Variants in FYCO1 observed in about 807,000 individuals in gnomAD.
The protein encoded by FYCO1 is FYVE and coiled-coil domain-containing protein 1.
A neutral mutation model predicts 165.1 loss-of-function variants in FYCO1; 122 were observed. The ratio of observed to expected loss-of-function variants is 0.74; its 90% CI spans 0.64 to 0.86. The LOEUF is 0.86. FYCO1 is among the 40% of genes least tolerant of loss of function. The pLI is 0.00. For synonymous variants in FYCO1, 648 were observed against 742.5 expected (o/e 0.87, Z 2.07); for missense variants, 1,702 against 1,810.3 (o/e 0.94, Z 1.09).
At position 45,968,108 on chromosome 3, in the gene FYCO1, G is replaced by A; in HGVS notation, c.1226C>T (p.Ala409Val). The A allele has an allele frequency of 1.9e-6, 3 of 1,614,174 alleles. No individual in the cohort carries two copies. Among genetic ancestry groups the A allele is most frequent in the South Asian group, 2.2e-5 (2 of 91,086 alleles). The change falls in exon 8 of 18, where the codon GCC becomes GTC. Residue 409 changes from alanine to valine, a missense_variant. Coordinates refer to ENST00000296137, the MANE Select transcript of FYCO1 (RefSeq NM_024513.4). ...GACCTTGGTTCTCTCCCTTTCTAGG[G>A]CTTGAAGCTTCTCCCCTAGCTCCTG... The part of the protein sequence containing the change: ...EMQELGEKLQ[A>V]LERERTKVEE...
chr3:45,926,971 A>G (rs1703350497), intron 16 of FYCO1, among the ~76,000 whole-genome samples: 1 of 152,012 alleles, frequency 6.6e-6, no homozygotes. Context: ...TCAAAAAAAA[A>G]AAAAAAAGAA....
chr3:45,973,053 T>G lies in FYCO1; in HGVS notation c.539+35A>C, dbSNP rs41289622. 0.11 allele frequency: 181,304 copies of G among 1,612,528 alleles called. 13,737 individuals carry two copies. Among genetic ancestry groups the G allele is most frequent in the South Asian group, 0.34 (30,500 of 91,012 alleles). On this transcript the variant is annotated intron_variant, in intron 6 of 17. Transcript: ENST00000296137. ...TCTTCAAAACTTCAAATGTCTCTTT[T>G]CCTGTCTTTTAAACCAAGCAATCCT...
rs1341892157 is a variant in FYCO1, at chr3:45,947,730, A to G, written c.3944+7519T>C. The G allele has an allele frequency of 7.2e-6, 4 of 553,384 alleles. No individual in the cohort carries two copies. The Admixed American group carries it at 1.0e-4, about 14-fold the overall frequency. 34.3% of individuals were successfully genotyped at this position (553,384 alleles called of 1,614,324 possible). Reference sequence around the variant, plus strand: ...CCAAGTAGGGGGTCTAAAATTTTTAAGGACTTTCCTTCCTCCATCTCCAAG... The same window carrying G: ...CCAAGTAGGGGGTCTAAAATTTTTAGGGACTTTCCTTCCTCCATCTCCAAG... On this transcript the variant is annotated intron_variant, in intron 14 of 17. Transcript: ENST00000296137.
chr3:45,957,663 A>G (rs1264456571), intron 13 of FYCO1, among the ~76,000 whole-genome samples: 1 of 152,278 alleles, frequency 6.6e-6, no homozygotes, highest in Non-Finnish European at 1.5e-5. Flanking sequence ...ACCCAACAAC[A>G]TAATGGGGCC....
rs551078757 is a variant in FYCO1 at position 45,946,950 on chromosome 3, G to A, written c.3944+8299C>T. The A allele has an allele frequency of 1.4e-5, 22 of 1,614,188 alleles. 1 individual carries two copies. In the South Asian group the frequency reaches 2.1e-4, roughly 15 times the overall value. On this transcript the variant is annotated intron_variant, in intron 14 of 17. Coordinates refer to ENST00000296137, the MANE Select transcript of FYCO1 (RefSeq NM_024513.4). Reference sequence around the variant, plus strand: ...CAAGGTCACCAGCTTGCTCATCTGGGTGATATCCCTGCTGGTTTCCTTGCC... The same window carrying A: ...CAAGGTCACCAGCTTGCTCATCTGGATGATATCCCTGCTGGTTTCCTTGCC...
At position 45,993,947 on chromosome 3, in the gene FYCO1, C is replaced by A. The variant is rs1028923980; in HGVS notation, c.-113+1775G>T. ...GGGGTGAGGGGGCTGCCATTTCTTG[C>A]GTACCTACTTTGTATTCTTGAGTCA... On this transcript the variant is annotated intron_variant, in intron 1 of 17. Transcript: ENST00000296137. This position sits in a 1 kb window ranked among gnomAD's most constrained non-coding sequence, Gnocchi z 4.4. Among the ~76,000 whole-genome samples the A allele has an allele frequency of 6.6e-6, 1 of 152,224 alleles. No homozygotes were observed. Among genetic ancestry groups the A allele is most frequent in the South Asian group, 2.1e-4 (1 of 4,836 alleles).
chr3:45,964,325 C>T lies in FYCO1; in HGVS notation c.3269+11G>A. Reference sequence around the variant, plus strand: ...GACTACCGACAGCTACGTAGGTGGACTGTGACTAACCTTTCTAGGTCTTCA... The same window carrying T: ...GACTACCGACAGCTACGTAGGTGGATTGTGACTAACCTTTCTAGGTCTTCA... On this transcript the variant is annotated intron_variant, in intron 10 of 17. Transcript: ENST00000296137. The surrounding 1 kb of genome is among the most constrained non-coding windows in gnomAD (Gnocchi z 4.1). 6.2e-7 allele frequency: 1 copy of T among 1,600,772 alleles called. No homozygotes were observed. The highest frequency in any genetic ancestry group is 2.2e-5 in the East Asian group (1 of 44,810).
Position 45,949,653 on chromosome 3 carries a change from G to A in FYCO1, c.3944+5596C>T, listed in dbSNP as rs116894750. On this transcript the variant is annotated intron_variant, in intron 14 of 17. Coordinates refer to ENST00000296137, the MANE Select transcript of FYCO1 (RefSeq NM_024513.4). ...TCCCTCCTGGGGTGCTCATGAGCAC[G>A]GCCAGCACACTGCAAGCACCATGCT... 3.2e-4 allele frequency among the ~76,000 whole-genome samples: 48 copies of A among 152,224 alleles called. No homozygotes were observed. The East Asian group carries it at 9.1e-3, about 29-fold the overall frequency.
In FYCO1 at chr3:45,966,754, G is replaced by A. The variant is rs376162658; in HGVS notation, c.2580C>T (p.Ala860=). Residue 860 remains alanine (A), a synonymous_variant, in exon 8 of 18, where the codon GCC becomes GCT. Transcript: ENST00000296137. ...EREGALQEER[A]DEAQQREEEL... is the part of the protein sequence containing the mutation. Reference sequence around the variant, plus strand: ...CCTCCTCCCTCTGCTGGGCCTCATCGGCCCTCTCCTCCTGCAGTGCCCCTT... The same window carrying A: ...CCTCCTCCCTCTGCTGGGCCTCATCAGCCCTCTCCTCCTGCAGTGCCCCTT... 1.7e-5 allele frequency: 27 copies of A among 1,610,572 alleles called. No homozygotes were observed. Among genetic ancestry groups the A allele is most frequent in the Middle Eastern group, 1.6e-4 (1 of 6,080 alleles).
chr3:45,994,575 C>T lies in FYCO1; in HGVS notation c.-113+1147G>A, dbSNP rs553691352. On this transcript the variant is annotated intron_variant, in intron 1 of 17. Coordinates refer to ENST00000296137, the MANE Select transcript of FYCO1 (RefSeq NM_024513.4). ...AAGGGAGGGTCAAGTGGAGCTCACTCAACAGGGGTCCACTTCAGAAGGTGG... is the reference window on the plus strand; with the variant it reads ...AAGGGAGGGTCAAGTGGAGCTCACTTAACAGGGGTCCACTTCAGAAGGTGG... 1.5e-4 allele frequency among the ~76,000 whole-genome samples: 23 copies of T among 152,310 alleles called. No individual in the cohort carries two copies. In the South Asian group the frequency reaches 2.9e-3, roughly 19 times the overall value.
chr3:45,969,180 T>A (rs1400444108), intron 7 of FYCO1, among the ~76,000 whole-genome samples: 2 of 152,258 alleles, frequency 1.3e-5, no homozygotes, highest in Non-Finnish European at 2.9e-5. Flanking sequence ...TATATACAGC[T>A]GTGATAAATT....
At chr3:45,929,423 A>G (rs781608744) in intron 16 of FYCO1, among the ~76,000 whole-genome samples, 2 of 152,300 alleles carry the variant, frequency 1.3e-5, no homozygotes, top group East Asian at 3.9e-4. Context: ...CAGGCAAAAC[A>G]GCAAAGGCCT....
At chr3:45,928,118 C>T (rs1703410337) in intron 16 of FYCO1, among the ~76,000 whole-genome samples, 1 of 152,104 alleles carries the variant, frequency 6.6e-6, no homozygotes, top group South Asian at 2.1e-4. Flanking sequence ...CTAATGGGCA[C>T]AGAATTTCTT....
Position 45,965,026 on chromosome 3 carries a change from G to T in FYCO1, c.3150+7C>A. The T allele has an allele frequency of 1.9e-6, 3 of 1,612,948 alleles. No homozygotes were observed. Among genetic ancestry groups the T allele is most frequent in the Non-Finnish European group, 2.5e-6 (3 of 1,179,038 alleles). On this transcript the variant is annotated splice_region_variant and intron_variant, in intron 9 of 17. Transcript: ENST00000296137. ...CTCCCTGACAGGTCTACACTACCAG[G>T]GCCTACCTTCAGCTTCTCCACAGCT...
At chr3:45,960,905 G>A (rs1435183050) in intron 11 of FYCO1, among the ~76,000 whole-genome samples, 2 of 152,048 alleles carry the variant, frequency 1.3e-5, no homozygotes, top group East Asian at 1.9e-4. Context: ...ATTCCAATTC[G>A]GTTAGTCTTG....
At chr3:45,936,341 G>A (rs902515055) in intron 15 of FYCO1, 107 bp downstream of exon 15, 2 of 767,614 alleles carry the variant, frequency 2.6e-6, no homozygotes, top group East Asian at 2.5e-5. Flanking sequence ...AGCCCCACTG[G>A]TATTAAGTTA....
rs143234088 is a variant in FYCO1, at chr3:45,990,649, G to C, written c.-113+5073C>G. 2.3e-3 allele frequency among the ~76,000 whole-genome samples: 347 copies of C among 152,268 alleles called. 1 individual carries two copies. The highest frequency in any genetic ancestry group is 8.0e-3 in the African/African-American group (333 of 41,542). ...CATGGAGAGCCCTCAATAAATTACTGCTGAATGAATGAATGAATTAGACAA... is the reference window on the plus strand; with the variant it reads ...CATGGAGAGCCCTCAATAAATTACTCCTGAATGAATGAATGAATTAGACAA... On this transcript the variant is annotated intron_variant, in intron 1 of 17. Coordinates refer to ENST00000296137, the MANE Select transcript of FYCO1 (RefSeq NM_024513.4).
intron 14 of FYCO1, among the ~76,000 whole-genome samples, chr3:45,948,583 G>A (rs1704790625): frequency 6.6e-6 from 1 of 152,228 alleles, no homozygotes. Flanking sequence ...GTCACAGGAT[G>A]AGGCATAGTT....
intron 1 of FYCO1, among the ~76,000 whole-genome samples, chr3:45,988,628 C>G (rs1707423632): frequency 6.6e-6 from 1 of 152,214 alleles, no homozygotes; most frequent in African/African-American, 2.4e-5. Context: ...GTTGCTGTCT[C>G]TGACAGGCTC....
Sources: allele counts gnomAD v4.1 joint callset (sites outside exome capture counted in the v4.1 genomes callset), GRCh38; gene constraint gnomAD v4.1.1; non-coding constraint Gnocchi (gnomAD v3.1); transcripts MANE v1.5; gene names NCBI Gene and HGNC (gene_info 2026-07-23, HGNC 2026-07-21).